The following RNASEH2B variants were observed in gnomAD, a reference collection of about 807,000 sequenced individuals.
RNASEH2B encodes ribonuclease H2 subunit B, also known as Aicardi-Goutieres syndrome 2 protein.
RNASEH2B carries 36 observed loss-of-function variants against 45.0 expected under a neutral mutation model. The ratio of observed to expected loss-of-function variants is 0.80; its 90% CI spans 0.61 to 1.06. RNASEH2B has a LOEUF of 1.06. Among genes scored for constraint, RNASEH2B ranks in the 50% least tolerant of loss-of-function variants. The pLI is 0.00. For missense variants in RNASEH2B, 361 were observed against 360.3 expected (o/e 1.00, Z -0.02); for synonymous variants, 119 against 125.7 (o/e 0.95, Z 0.35).
intron 4 of RNASEH2B, 78 bp downstream of exon 4, chr13:50,930,837 A>C (rs939912071): frequency 3.8e-6 from 4 of 1,057,412 alleles, no homozygotes; most frequent in Non-Finnish European, 5.9e-6. Context: ...CTCTCCTTTT[A>C]ATGATCCAAA....
intron 9 of RNASEH2B, among the ~76,000 whole-genome samples, chr13:50,965,807 C>T (rs1472765016): frequency 1.3e-5 from 2 of 152,214 alleles, no homozygotes; most frequent in East Asian, 1.9e-4. Flanking sequence ...TTGAACTGCA[C>T]TTACTGGAGT....
intron 5 of RNASEH2B, 70 bp downstream of exon 5, chr13:50,935,069 A>G: frequency 1.1e-6 from 1 of 936,884 alleles, no homozygotes; most frequent in South Asian, 1.3e-5. Context: ...GGCTGCTTAC[A>G]GACACACTGA....
downstream of RNASEH2B, among the ~76,000 whole-genome samples, chr13:50,957,089 C>CT (rs879728194): frequency 0.015 from 2,124 of 139,622 alleles, 44 homozygotes; most frequent in African/African-American, 0.052. Flanking sequence ...ACTTTGTAAC[C>CT]TTTTTTTTTT....
intron 1 of RNASEH2B, among the ~76,000 whole-genome samples, chr13:50,917,411 AT>A (rs1019292786): frequency 1.3e-5 from 2 of 152,144 alleles, no homozygotes; most frequent in African/African-American, 4.8e-5. Context: ...GCAGAGGTTT[AT>A]TTGTATGGAG....
Position 50,947,989 on chromosome 13 carries a change from G to T in RNASEH2B, c.619G>T (p.Asp207Tyr). Reference protein sequence around the residue: ...GDQASTDKEEDYIRYAHGLIS... With the variant: ...GDQASTDKEEYYIRYAHGLIS... ...ACTCCTCCTTCTGTTTCTTTCAGAG[G>T]ATTATATTCGTTATGCCCATGGTCT... is the stretch of plus-strand genomic sequence containing the variant. Residue 207 changes from aspartate (D) to tyrosine (Y), a missense_variant and splice_region_variant, in exon 8 of 11, where the codon GAT (aspartate) becomes TAT (tyrosine). Coordinates refer to ENST00000336617, the MANE Select transcript of RNASEH2B (RefSeq NM_024570.4). The T allele has an allele frequency of 6.2e-7, 1 of 1,609,846 alleles. No individual in the cohort carries two copies. Among genetic ancestry groups the T allele is most frequent in the South Asian group, 1.1e-5 (1 of 91,022 alleles).
intron 6 of RNASEH2B, 64 bp downstream of exon 6, chr13:50,943,458 A>G: frequency 8.7e-7 from 1 of 1,149,706 alleles, no homozygotes; most frequent in East Asian, 2.3e-5. Context: ...AAATTTTCAG[A>G]GAAGGCAGTA....
At chr13:50,927,792 A>G (rs1380983539) in intron 2 of RNASEH2B, among the ~76,000 whole-genome samples, 2 of 152,172 alleles carry the variant, frequency 1.3e-5, no homozygotes, top group African/African-American at 2.4e-5. Context: ...CCTTAAGCCA[A>G]CTTTTCTTAG....
intron 3 of RNASEH2B, 114 bp downstream of exon 3, chr13:50,929,696 G>C (rs1307030656): frequency 1.4e-6 from 1 of 721,812 alleles, no homozygotes; most frequent in East Asian, 2.7e-5. Context: ...CACTGGTTTA[G>C]CCTTCCTTGG....
chr13:50,910,206 C>A, intron 1 of RNASEH2B, 66 bp downstream of exon 1: 1 of 1,198,006 alleles, frequency 8.3e-7, no homozygotes, highest in Non-Finnish European at 1.1e-6. Flanking sequence ...CGACCCCGGG[C>A]GCGCCGCCCC....
At chr13:50,963,968 C>A (rs1249480756) in intron 9 of RNASEH2B, among the ~76,000 whole-genome samples, 1 of 152,126 alleles carries the variant, frequency 6.6e-6, no homozygotes, top group Non-Finnish European at 1.5e-5. Flanking sequence ...GAGGCCAGGG[C>A]GGGCAGATCA....
chr13:50,931,067 G>A (rs1475898281), intron 4 of RNASEH2B, among the ~76,000 whole-genome samples: 1 of 152,144 alleles, frequency 6.6e-6, no homozygotes, highest in Non-Finnish European at 1.5e-5. Flanking sequence ...TTATCATTAA[G>A]TATTCCTTAC....
chr13:50,942,097 G>A (rs1331371433), intron 5 of RNASEH2B: 2 of 152,194 alleles, frequency 1.3e-5, no homozygotes, highest in East Asian at 3.8e-4. Flanking sequence ...CTCAGAGGTG[G>A]TAAATTCACA....
chr13:50,909,793 T>C lies in RNASEH2B; in HGVS notation c.-284T>C, dbSNP rs945393529. 5.7e-6 allele frequency: 2 copies of C among 349,096 alleles called. No homozygotes were observed. Among genetic ancestry groups the C allele is most frequent in the Non-Finnish European group, 5.2e-6 (1 of 191,330 alleles). The allele number at this position is 349,096 out of a possible 1,614,324, so 21.6% of individuals were successfully genotyped here. A position where few individuals can be genotyped will look rare whatever the true frequency, so the allele number is the denominator to read the frequency against. On this transcript the variant is annotated 5_prime_UTR_variant, in exon 1 of 11. Coordinates refer to ENST00000336617, the MANE Select transcript of RNASEH2B (RefSeq NM_024570.4). ...GCGGCGCGCGATGAGCACCTACCAC[T>C]AGCGGAGCCGCGAGGGAGAGGCCGC...
intron 1 of RNASEH2B, among the ~76,000 whole-genome samples, chr13:50,917,953 C>G (rs1295913261): frequency 2.0e-5 from 3 of 152,122 alleles, no homozygotes; most frequent in African/African-American, 7.2e-5. Flanking sequence ...CATCCATGCT[C>G]CATCTCAGTA....
chr13:50,910,054 G>T lies in RNASEH2B; in HGVS notation c.-23G>T. On this transcript the variant is annotated 5_prime_UTR_variant, in exon 1 of 11. Coordinates refer to ENST00000336617, the MANE Select transcript of RNASEH2B (RefSeq NM_024570.4). ...TGAGGCCCGCGGCGCTGAGCCTGCG[G>T]CGCCCCGGAAGAGGCGGGCGGCATG... 2.7e-6 allele frequency: 4 copies of T among 1,465,716 alleles called. No homozygotes were observed. The highest frequency in any genetic ancestry group is 2.7e-6 in the Non-Finnish European group (3 of 1,113,138). 90.8% of individuals were successfully genotyped at this position (1,465,716 alleles called of 1,614,324 possible).
intron 1 of RNASEH2B, among the ~76,000 whole-genome samples, chr13:50,926,183 C>T (rs1268918048): frequency 7.2e-5 from 11 of 151,780 alleles, no homozygotes; most frequent in Non-Finnish European, 7.4e-5. Flanking sequence ...TACTTAATGT[C>T]ACTATTAGTT....
At chr13:50,953,313 A>G (rs1244019780) in intron 9 of RNASEH2B, 1 of 154,028 alleles carries the variant, frequency 6.5e-6, no homozygotes, top group East Asian at 1.9e-4. Context: ...CCTAATGGAA[A>G]GAACACTGTA....
In RNASEH2B at chr13:50,967,411, A is replaced by G. The variant is rs564633033; in HGVS notation, c.742-2521A>G. ...ACACAATTGTTGGAAAGTAATAACAAAGACTGGCAAAGCGCATTGTGATTT... is the reference window on the plus strand; with the variant it reads ...ACACAATTGTTGGAAAGTAATAACAGAGACTGGCAAAGCGCATTGTGATTT... On this transcript the variant is annotated intron_variant, in intron 9 of 9. Transcript: ENST00000422660. Among the ~76,000 whole-genome samples the G allele has an allele frequency of 2.5e-4, 38 of 152,372 alleles. 1 individual carries two copies. The South Asian group carries it at 7.3e-3, about 29-fold the overall frequency.
In RNASEH2B at chr13:50,917,996, G is replaced by A. The variant is rs1315032008; in HGVS notation, c.64+7856G>A. Among the ~76,000 whole-genome samples the A allele has an allele frequency of 2.6e-5, 4 of 152,266 alleles. No homozygotes were observed. The South Asian group carries it at 8.3e-4, about 32-fold the overall frequency. ...TGGTCTTTGTGGCTCTGAGTTGGCTGTGAACCTGAATATTTTTACTAGCTT... is the reference window on the plus strand; with the variant it reads ...TGGTCTTTGTGGCTCTGAGTTGGCTATGAACCTGAATATTTTTACTAGCTT... On this transcript the variant is annotated intron_variant, in intron 1 of 10. Transcript: ENST00000336617.
Sources: allele counts gnomAD v4.1 joint callset (sites outside exome capture counted in the v4.1 genomes callset), GRCh38; gene constraint gnomAD v4.1.1; transcripts MANE v1.5; gene names NCBI Gene and HGNC (gene_info 2026-07-23, HGNC 2026-07-21).